The following PTPRM variants were observed in gnomAD, a reference collection of about 807,000 sequenced individuals.
The protein encoded by PTPRM is protein tyrosine phosphatase receptor type M.
PTPRM carries 47 observed loss-of-function variants against 186.7 expected under a neutral mutation model. The observed-to-expected ratio is 0.25, with a 90% CI of 0.20 to 0.32. The LOEUF is 0.32. Among genes scored for constraint, PTPRM ranks in the 10% least tolerant of loss-of-function variants. The pLI, the probability that PTPRM is intolerant of heterozygous loss-of-function variation, is 1.00. For missense variants in PTPRM, 1,494 were observed against 1,865.0 expected (o/e 0.80, Z 3.66); for synonymous variants, 668 against 674.9 (o/e 0.99, Z 0.16).
intron 2 of PTPRM, among the ~76,000 whole-genome samples, chr18:7,799,046 T>A (rs2145322830): frequency 6.6e-6 from 1 of 152,316 alleles, no homozygotes; most frequent in African/African-American, 2.4e-5. Context: ...ACTGTTTTAG[T>A]CTGTTTGTGT....
intron 7 of PTPRM, among the ~76,000 whole-genome samples, chr18:7,995,203 A>G (rs2083469895): frequency 6.6e-6 from 1 of 152,126 alleles, no homozygotes; most frequent in South Asian, 2.1e-4. Flanking sequence ...CTGGACACAT[A>G]TAATCAACCA....
chr18:8,379,372 G>T, intron 28 of PTPRM, 32 bp downstream of exon 28: 1 of 1,564,422 alleles, frequency 6.4e-7, no homozygotes. Flanking sequence ...CGGGTCCGAG[G>T]CTGGGGTGTT....
chr18:8,386,612 A>G (rs867670606), intron 30 of PTPRM, among the ~76,000 whole-genome samples: 16 of 152,336 alleles, frequency 1.1e-4, no homozygotes, highest in Middle Eastern at 6.8e-3. Context: ...TTAATTAACT[A>G]TTGCTATCTT....
At chr18:7,722,185 A>G (rs150765159) in intron 1 of PTPRM, among the ~76,000 whole-genome samples, 4 of 152,300 alleles carry the variant, frequency 2.6e-5, no homozygotes, top group African/African-American at 9.6e-5. Flanking sequence ...TCTGGCAACC[A>G]CTAATCTGCT....
chr18:8,235,447 CTG>C, intron 14 of PTPRM, among the ~76,000 whole-genome samples: 1 of 129,354 alleles, frequency 7.7e-6, no homozygotes, highest in South Asian at 2.5e-4. Context: ...TATGAGTAAT[CTG>C]TGTCTTCTTT....
intron 20 of PTPRM, among the ~76,000 whole-genome samples, chr18:8,302,147 G>A (rs1222606894): frequency 6.6e-6 from 1 of 152,148 alleles, no homozygotes; most frequent in Non-Finnish European, 1.5e-5. Context: ...TCAAGTTAAG[G>A]GCACAGAAGG....
chr18:7,650,356 A>G (rs1321704721), intron 1 of PTPRM, among the ~76,000 whole-genome samples: 1 of 152,062 alleles, frequency 6.6e-6, no homozygotes, highest in South Asian at 2.1e-4. Flanking sequence ...TCTGAAGCCA[A>G]TGATCATTTT....
chr18:7,939,058 T>C (rs1568041329), intron 5 of PTPRM, among the ~76,000 whole-genome samples: 1 of 152,202 alleles, frequency 6.6e-6, no homozygotes, highest in African/African-American at 2.4e-5. Context: ...TTTGAGATGT[T>C]CGATTAATAC....
At chr18:7,581,294 C>G (rs1470524522) in intron 1 of PTPRM, among the ~76,000 whole-genome samples, 2 of 152,114 alleles carry the variant, frequency 1.3e-5, no homozygotes, top group Non-Finnish European at 2.9e-5. Context: ...CCCTCTGGCT[C>G]CAAGCCTAGT....
At chr18:7,774,397 A>G (rs1274185813) in intron 2 of PTPRM, 126 bp downstream of exon 2, 20 of 1,190,788 alleles carry the variant, frequency 1.7e-5, no homozygotes, top group Non-Finnish European at 1.9e-5. Context: ...TCAAAGTTGG[A>G]TTAGCTAGTG....
intron 3 of PTPRM, among the ~76,000 whole-genome samples, chr18:7,900,388 A>G (rs1039471046): frequency 2.4e-4 from 36 of 152,218 alleles, no homozygotes; most frequent in African/African-American, 8.4e-4. Context: ...ATATAAAAAC[A>G]GGTGGTGGGA....
At position 7,738,492 on chromosome 18, in the gene PTPRM, G is replaced by A. The variant is rs938872856; in HGVS notation, c.74-35657G>A. Among the ~76,000 whole-genome samples the A allele has an allele frequency of 3.3e-5, 5 of 152,082 alleles. No homozygotes were observed. The East Asian group carries it at 9.7e-4, about 29-fold the overall frequency. On this transcript the variant is annotated intron_variant, in intron 1 of 32. Transcript: ENST00000580170. ...GCTCTGTTGCCCAGGCTGGAGTGCAGTGGCACGATCTCAGCTCACTGCAAG... is the reference window on the plus strand; with the variant it reads ...GCTCTGTTGCCCAGGCTGGAGTGCAATGGCACGATCTCAGCTCACTGCAAG...
At chr18:8,028,089 G>A (rs377336053) in intron 7 of PTPRM, among the ~76,000 whole-genome samples, 10 of 152,124 alleles carry the variant, frequency 6.6e-5, no homozygotes, top group South Asian at 2.1e-4. Flanking sequence ...AACAACCTCC[G>A]CCTCCCGAGC....
chr18:8,352,652 G>GTTTTTTTTTTTTTTTT (rs142090056), intron 23 of PTPRM, among the ~76,000 whole-genome samples: 1 of 102,216 alleles, frequency 9.8e-6, no homozygotes. Flanking sequence ...TTTTTGGTTT[G>GTTTTTTTTTTTTTTTT]GTTTTTTTTG....
chr18:8,178,493 G>T (rs114825246), intron 14 of PTPRM, among the ~76,000 whole-genome samples: 2 of 152,226 alleles, frequency 1.3e-5, no homozygotes, highest in East Asian at 3.9e-4. Flanking sequence ...TTTAAAATTG[G>T]CTTTGATGGG....
chr18:7,689,476 A>G (rs2039686547), intron 1 of PTPRM, among the ~76,000 whole-genome samples: 1 of 152,162 alleles, frequency 6.6e-6, no homozygotes, highest in Non-Finnish European at 1.5e-5. Flanking sequence ...ATCTCCTCAT[A>G]CTTAGGAAAT....
intron 7 of PTPRM, among the ~76,000 whole-genome samples, chr18:7,958,994 G>A (rs1042875420): frequency 5.9e-5 from 9 of 152,150 alleles, no homozygotes; most frequent in Non-Finnish European, 1.0e-4. Context: ...TTTAGTGTTG[G>A]CTCTGCCTGG....
intron 5 of PTPRM, among the ~76,000 whole-genome samples, chr18:7,932,876 T>C (rs551989979): frequency 5.0e-4 from 76 of 152,322 alleles, no homozygotes; most frequent in African/African-American, 1.8e-3. Flanking sequence ...TCCCCTCTTA[T>C]CCGAGATTTT....
At chr18:7,957,816 T>G (rs979840686) in intron 7 of PTPRM, among the ~76,000 whole-genome samples, 1 of 152,170 alleles carries the variant, frequency 6.6e-6, no homozygotes, top group African/African-American at 2.4e-5. Context: ...AAGGGAAACG[T>G]GTGCTGTAAA....
Sources: gnomAD v4.1 joint callset for allele counts (sites outside exome capture counted in the v4.1 genomes callset) on GRCh38, gnomAD v4.1.1 for gene constraint, MANE v1.5 for transcripts, NCBI Gene and HGNC (gene_info 2026-07-23, HGNC 2026-07-21) for gene names.